Variants in TRHDE observed in about 807,000 individuals in gnomAD.
The protein encoded by TRHDE is thyrotropin-releasing hormone-degrading ectoenzyme.
Under a neutral mutation model 125.7 loss-of-function variants are expected in TRHDE, and 72 were observed. The ratio of observed to expected loss-of-function variants is 0.57; its 90% CI spans 0.47 to 0.70. TRHDE has a LOEUF of 0.70. Ranked by LOEUF, TRHDE falls within the 30% of genes least tolerant of loss-of-function variation. TRHDE has a pLI of 0.00. For missense variants in TRHDE, 1,110 were observed against 1,327.1 expected (o/e 0.84, Z 2.54); for synonymous variants, 509 against 509.1 (o/e 1.00, Z 0.00).
intron 2 of TRHDE, among the ~76,000 whole-genome samples, chr12:72,139,068 C>G (rs920638083): frequency 9.9e-5 from 15 of 152,124 alleles, no homozygotes; most frequent in African/African-American, 3.4e-4. Flanking sequence ...TAGGGGTTAC[C>G]ATGGTGATTT....
intron 2 of TRHDE, among the ~76,000 whole-genome samples, chr12:72,375,641 A>G (rs1269711100): frequency 6.6e-6 from 1 of 152,236 alleles, no homozygotes; most frequent in Non-Finnish European, 1.5e-5. Context: ...TTTGAAAGCT[A>G]TTCATTCTTC....
intron 2 of TRHDE, among the ~76,000 whole-genome samples, chr12:72,206,626 ACTT>A (rs536986074): frequency 6.6e-6 from 1 of 152,144 alleles, no homozygotes; most frequent in South Asian, 2.1e-4. Flanking sequence ...CCAGCCATAT[ACTT>A]CTTTTTTAAT....
At chr12:72,505,300 A>G (rs544987826) in intron 6 of TRHDE, among the ~76,000 whole-genome samples, 2 of 152,322 alleles carry the variant, frequency 1.3e-5, no homozygotes, top group East Asian at 3.9e-4. Context: ...TTCCCATTTT[A>G]ATAGTAGATT....
intron 3 of TRHDE, among the ~76,000 whole-genome samples, chr12:72,390,680 C>T (rs1872582210): frequency 6.6e-6 from 1 of 152,106 alleles, no homozygotes; most frequent in African/African-American, 2.4e-5. Context: ...ACTTTTCAGA[C>T]CTTACCATTG....
chr12:72,600,108 G>C (rs1872148107), intron 12 of TRHDE, among the ~76,000 whole-genome samples: 2 of 151,988 alleles, frequency 1.3e-5, no homozygotes, highest in Non-Finnish European at 2.9e-5. Flanking sequence ...CTGTGTATCT[G>C]TTTTTGTACC....
At chr12:72,598,924 A>G (rs1872094213) in intron 12 of TRHDE, among the ~76,000 whole-genome samples, 1 of 151,852 alleles carries the variant, frequency 6.6e-6, no homozygotes, top group Non-Finnish European at 1.5e-5. Flanking sequence ...CATTATTGCC[A>G]TTTTTATGTC....
chr12:72,563,000 A>G lies in TRHDE; in HGVS notation c.2002A>G (p.Ile668Val). 6.2e-7 allele frequency: 1 copy of G among 1,607,912 alleles called. No homozygotes were observed. Among genetic ancestry groups the G allele is most frequent in the South Asian group, 1.1e-5 (1 of 89,696 alleles). Residue 668 changes from isoleucine to valine, a missense_variant, in exon 9 of 19, where the codon ATC (isoleucine) becomes GTC (valine). This residue lies in a region of TRHDE where 527 missense variants were observed against 651.8 expected (regional missense o/e 0.81). Transcript: ENST00000261180. ...TACCCAACAGCATTTTATCTATGAT[A>G]TCAGTGCTAAAACTAAAGCACTTAA... ...IITQQHFIYD[I>V]SAKTKALKLQ...
chr12:72,582,604 G>A, intron 12 of TRHDE: 1 of 985,354 alleles, frequency 1.0e-6, no homozygotes, highest in Non-Finnish European at 1.2e-6. Context: ...CCTGACCCTG[G>A]CTAGATGAGT....
At chr12:72,218,174 A>G (rs1422902196) in intron 2 of TRHDE, among the ~76,000 whole-genome samples, 2 of 152,306 alleles carry the variant, frequency 1.3e-5, no homozygotes, top group African/African-American at 4.8e-5. Context: ...TACTTTCCAT[A>G]TGATCACAAT....
At chr12:72,585,049 C>T (rs554719150) in intron 12 of TRHDE, among the ~76,000 whole-genome samples, 1 of 152,188 alleles carries the variant, frequency 6.6e-6, no homozygotes, top group Admixed American at 6.5e-5. Flanking sequence ...TAACTGACTA[C>T]TATTATCTGC....
chr12:72,146,471 A>T (rs1375339209), intron 2 of TRHDE, among the ~76,000 whole-genome samples: 1 of 152,238 alleles, frequency 6.6e-6, no homozygotes, highest in African/African-American at 2.4e-5. Flanking sequence ...ATCTTTCCAG[A>T]TATGAATATA....
intron 2 of TRHDE, among the ~76,000 whole-genome samples, chr12:72,303,832 A>G (rs1469089693): frequency 6.6e-6 from 1 of 152,200 alleles, no homozygotes; most frequent in Non-Finnish European, 1.5e-5. Flanking sequence ...TGTCAAGCCA[A>G]AAATGAGGGG....
At chr12:72,518,121 G>T (rs1878975327) in intron 6 of TRHDE, among the ~76,000 whole-genome samples, 1 of 150,854 alleles carries the variant, frequency 6.6e-6, no homozygotes, top group African/African-American at 2.5e-5. Context: ...TGTATATTCT[G>T]TTGATTTGGG....
intron 1 of TRHDE, among the ~76,000 whole-genome samples, chr12:72,100,543 T>C (rs1183429759): frequency 2.0e-5 from 3 of 152,222 alleles, no homozygotes; most frequent in African/African-American, 7.2e-5. Flanking sequence ...CCAATCACTG[T>C]GGTGTGTTTG....
At chr12:72,285,522 C>CTTTTT (rs370394091) in intron 1 of TRHDE, among the ~76,000 whole-genome samples, 6 of 131,408 alleles carry the variant, frequency 4.6e-5, no homozygotes, top group Non-Finnish European at 7.9e-5. Context: ...TTTTTTTCTT[C>CTTTTT]TTTTTTTTTT....
rs1351293035 is a variant in TRHDE, at chr12:72,665,855, T to TA, written c.*2661dup. On this transcript the variant is annotated 3_prime_UTR_variant, in exon 19 of 19. Coordinates refer to ENST00000261180, the MANE Select transcript of TRHDE (RefSeq NM_013381.3). Reference sequence around the variant, plus strand: ...GTAAATAAAAAGATTTCCCCATTTTTACACATTTTTTCTTAAAATTTTTCT... The same window carrying TA: ...GTAAATAAAAAGATTTCCCCATTTTTAACACATTTTTTCTTAAAATTTTTCT... The TA allele has an allele frequency of 1.3e-5, 2 of 152,082 alleles. No individual in the cohort carries two copies. The highest frequency in any genetic ancestry group is 1.3e-4 in the Admixed American group (2 of 15,246). The allele number at this position is 152,082 out of a possible 1,614,324, so 9.4% of individuals were successfully genotyped here.
chr12:72,193,432 T>A (rs190530469), intron 2 of TRHDE, among the ~76,000 whole-genome samples: 1 of 152,168 alleles, frequency 6.6e-6, no homozygotes, highest in Non-Finnish European at 1.5e-5. Flanking sequence ...CATTTCACAA[T>A]TCAATTTCAG....
At chr12:72,156,934 A>G (rs1876527233) in intron 2 of TRHDE, among the ~76,000 whole-genome samples, 1 of 152,162 alleles carries the variant, frequency 6.6e-6, no homozygotes, top group African/African-American at 2.4e-5. Context: ...AATGCATGTG[A>G]AAATTAAAGC....
At chr12:72,231,123 T>A (rs185302592) in intron 2 of TRHDE, among the ~76,000 whole-genome samples, 7 of 152,198 alleles carry the variant, frequency 4.6e-5, no homozygotes, top group Middle Eastern at 3.4e-3. Flanking sequence ...TAACTGTCTT[T>A]TGATTAAAAA....
Sources: allele counts gnomAD v4.1 joint callset (sites outside exome capture counted in the v4.1 genomes callset), GRCh38; gene constraint gnomAD v4.1.1; regional missense constraint gnomAD v4.1.1; transcripts MANE v1.5; gene names NCBI Gene and HGNC (gene_info 2026-07-23, HGNC 2026-07-21).